KCNH2: variants seen among roughly 807,000 people sequenced by gnomAD.
KCNH2 encodes potassium voltage-gated channel subfamily H member 2, also known as voltage-gated inwardly rectifying potassium channel KCNH2.
KCNH2 carries 35 observed loss-of-function variants against 95.9 expected under a neutral mutation model. That is an observed-to-expected ratio of 0.37 (90% CI 0.28 to 0.48). The LOEUF (loss-of-function observed/expected upper bound fraction) is 0.48, where lower values mean the gene tolerates loss of function less well. Ranked by LOEUF, KCNH2 falls within the 20% of genes least tolerant of loss-of-function variation. KCNH2 has a pLI of 0.99. For missense variants in KCNH2, 1,274 were observed against 1,702.9 expected, an observed-to-expected ratio of 0.75 and a Z score of 4.43; for synonymous variants, 786 against 754.7, an observed-to-expected ratio of 1.04 and a Z score of -0.68.
intron 2 of KCNH2, among the ~76,000 whole-genome samples, chr7:150,969,425 T>C (rs1272430660): frequency 6.6e-6 from 1 of 150,952 alleles, no homozygotes; most frequent in African/African-American, 2.4e-5. Context: ...GCTCTAAGAC[T>C]CTGTCCCCCC....
In KCNH2 at chr7:150,950,435, G is replaced by T; in HGVS notation, c.2146-15C>A. The T allele has an allele frequency of 6.2e-7, 1 of 1,610,286 alleles. No homozygotes were observed. Reference sequence around the variant, plus strand: ...CCCTTCAGCACCTGGGGGCAGGGTGGGGGCAGCTCAGCACACCCTCCCTTG... The same window carrying T: ...CCCTTCAGCACCTGGGGGCAGGGTGTGGGCAGCTCAGCACACCCTCCCTTG... On this transcript the variant is annotated splice_polypyrimidine_tract_variant and intron_variant, in intron 8 of 14. Coordinates refer to ENST00000262186, the MANE Select transcript of KCNH2 (RefSeq NM_000238.4).
rs17173669 is a variant in KCNH2 at position 150,973,226 on chromosome 7, G to A, written c.307+1485C>T. 7.5e-3 allele frequency among the ~76,000 whole-genome samples: 1,138 copies of A among 152,282 alleles called. 8 individuals carry two copies. Among genetic ancestry groups the A allele is most frequent in the African/African-American group, 0.026 (1,071 of 41,550 alleles). ...AAACTTTTACAATAAAATTTCACAT[G>A]AGATAATGTACAGCATACAGATAGA... On this transcript the variant is annotated intron_variant, in intron 2 of 14. Transcript: ENST00000262186.
At position 150,969,484 on chromosome 7, in the gene KCNH2, G is replaced by A. The variant is rs762218662; in HGVS notation, c.307+5227C>T. Among the ~76,000 whole-genome samples the A allele has an allele frequency of 3.3e-5, 5 of 151,772 alleles. 1 individual carries two copies. The highest frequency in any genetic ancestry group is 7.4e-5 in the Non-Finnish European group (5 of 68,008). On this transcript the variant is annotated intron_variant, in intron 2 of 14. Transcript: ENST00000262186. ...CTGAGGGTGAAGCTGGGAGCCCCCAGATGCTCCTGTGCCCCACAATGTCCA... is the reference window on the plus strand; with the variant it reads ...CTGAGGGTGAAGCTGGGAGCCCCCAAATGCTCCTGTGCCCCACAATGTCCA...
intron 7 of KCNH2, 157 bp from the exon 8 acceptor site, chr7:150,951,277 T>A: frequency 3.9e-6 from 4 of 1,026,856 alleles, no homozygotes; most frequent in Non-Finnish European, 5.8e-6. Flanking sequence ...CACCCCACCC[T>A]TCAGTAGTCC....
At chr7:150,955,953 T>G (rs1801362818) in intron 5 of KCNH2, 5 of 550,278 alleles carry the variant, frequency 9.1e-6, no homozygotes, top group Non-Finnish European at 1.1e-5. Context: ...TCCCGCAGCC[T>G]GAGCCCCTCC....
intron 11 of KCNH2, 43 bp from the exon 12 acceptor site, chr7:150,947,921 AGAGAG>A: frequency 6.6e-7 from 1 of 1,521,470 alleles, no homozygotes; most frequent in Non-Finnish European, 8.8e-7. Flanking sequence ...GGAGGAGAAC[AGAGAG>A]GAGGGGGCGA....
chr7:150,977,414 C>G lies in KCNH2; in HGVS notation c.76+424G>C, dbSNP rs368343916. On this transcript the variant is annotated intron_variant, in intron 1 of 14. Coordinates refer to ENST00000262186, the MANE Select transcript of KCNH2 (RefSeq NM_000238.4). ...TTCAGTCCCTCCGGCACAACACAGT[C>G]AAGATCTGGCAAGACCAGTGTGCGC... 2.0e-5 allele frequency among the ~76,000 whole-genome samples: 3 copies of G among 152,200 alleles called. No individual in the cohort carries two copies. In the South Asian group the frequency reaches 6.2e-4, roughly 32 times the overall value.
intron 5 of KCNH2, chr7:150,955,435 C>CA (rs1563165011): frequency 2.6e-6 from 4 of 1,566,484 alleles, no homozygotes; most frequent in Non-Finnish European, 3.5e-6. Context: ...CGGCCCGCCT[C>CA]ACCCGGCCTT....
At chr7:150,949,461 T>C in intron 9 of KCNH2, 2 of 771,102 alleles carry the variant, frequency 2.6e-6, no homozygotes, top group Non-Finnish European at 3.3e-6. Flanking sequence ...TAGTATAGCT[T>C]AGCACAGCAC....
intron 2 of KCNH2, among the ~76,000 whole-genome samples, chr7:150,969,627 A>G (rs574162231): frequency 6.6e-6 from 1 of 152,292 alleles, no homozygotes; most frequent in Admixed American, 6.5e-5. Context: ...TGCCCACCCC[A>G]TTCATTCATT....
At chr7:150,960,121 G>A (rs6947240) in intron 2 of KCNH2, among the ~76,000 whole-genome samples, 25,816 of 150,316 alleles carry the variant, frequency 0.17, 2,748 homozygotes, top group Non-Finnish European at 0.24. Flanking sequence ...CAAGCGAGGC[G>A]CTGTAGCACA....
At position 150,959,693 on chromosome 7, in the gene KCNH2, G is replaced by A. The variant is rs757132095; in HGVS notation, c.351C>T (p.Asn117=). The change falls in exon 3 of 15, where the codon AAC becomes AAT. Residue 117 remains asparagine, a synonymous_variant. Coordinates refer to ENST00000262186, the MANE Select transcript of KCNH2 (RefSeq NM_000238.4). ...TGAACATGATGACAGCCCCATCCTC[G>A]TTCTTCACGGGCACCACATCCACCA... ...LCLVDVVPVK[N]EDGAVIMFIL... is the part of the protein sequence containing the mutation. 54 of 1,613,996 alleles carry A rather than the reference G, an allele frequency of 3.3e-5. No individual in the cohort carries two copies. The highest frequency in any genetic ancestry group is 2.9e-4 in the East Asian group (13 of 44,882).
At chr7:150,959,946 T>A (rs1801509408) in intron 2 of KCNH2, among the ~76,000 whole-genome samples, 1 of 152,206 alleles carries the variant, frequency 6.6e-6, no homozygotes. Context: ...CCCAGCTTGT[T>A]GCTGCCAGGC....
chr7:150,945,622 G>A lies in KCNH2; in HGVS notation c.3331-108C>T, dbSNP rs546728566. The A allele has an allele frequency of 4.2e-6, 5 of 1,194,532 alleles. No individual in the cohort carries two copies. Among genetic ancestry groups the A allele is most frequent in the East Asian group, 5.1e-5 (2 of 39,172 alleles). The allele number at this position is 1,194,532 out of a possible 1,614,324, so 74.0% of individuals were successfully genotyped here. A position where few individuals can be genotyped will look rare whatever the true frequency, so the allele number is the denominator to read the frequency against. ...ACAGAGGATGGACGGGAGGACAGGAGGGCCAAGAGGAGAGTCAGGTGGGCA... is the reference window on the plus strand; with the variant it reads ...ACAGAGGATGGACGGGAGGACAGGAAGGCCAAGAGGAGAGTCAGGTGGGCA... On this transcript the variant is annotated intron_variant, in intron 14 of 14. Coordinates refer to ENST00000262186, the MANE Select transcript of KCNH2 (RefSeq NM_000238.4). This position sits in a 1 kb window ranked among gnomAD's most constrained non-coding sequence, Gnocchi z 5.6.
chr7:150,969,171 G>C lies in KCNH2; in HGVS notation c.307+5540C>G, dbSNP rs58717989. Among the ~76,000 whole-genome samples, 506 of 152,316 alleles carry C rather than the reference G, an allele frequency of 3.3e-3. 3 individuals are homozygous for C. Among genetic ancestry groups the C allele is most frequent in the African/African-American group, 0.012 (484 of 41,576 alleles). ...GCAGGGAGGGGACAGCTAGGCTCGG[G>C]TTCCCACTCAGGCCACCCGCCAGCT... On this transcript the variant is annotated intron_variant, in intron 2 of 14. Coordinates refer to ENST00000262186, the MANE Select transcript of KCNH2 (RefSeq NM_000238.4).
At chr7:150,974,619 A>ACCCCCCCC in intron 2 of KCNH2, 92 bp downstream of exon 2, 2 of 304,866 alleles carry the variant, frequency 6.6e-6, no homozygotes, top group Non-Finnish European at 1.1e-5. Flanking sequence ...CCGCCCCCAC[A>ACCCCCCCC]CCCCCACACC....
chr7:150,951,848 G>A lies in KCNH2; in HGVS notation c.1558-13C>T. On this transcript the variant is annotated splice_polypyrimidine_tract_variant and intron_variant, in intron 6 of 14. Transcript: ENST00000262186. The stretch of plus-strand genomic sequence containing the variant: ...GCAGCCCGATCAGCTGGGGGACAGG[G>A]AAGGGGCACATTCCGTTGATGGGGC... The A allele has an allele frequency of 6.4e-7, 1 of 1,559,358 alleles. No individual in the cohort carries two copies. The highest frequency in any genetic ancestry group is 1.7e-5 in the Admixed American group (1 of 57,284).
rs1203410088 is a variant in KCNH2 at position 150,957,470 on chromosome 7, T to G, written c.949A>C (p.Asn317His). 1.2e-6 allele frequency: 2 copies of G among 1,613,804 alleles called. No individual in the cohort carries two copies. The highest frequency in any genetic ancestry group is 2.7e-5 in the African/African-American group (2 of 74,916). Residue 317 changes from asparagine (N) to histidine (H), a missense_variant, in exon 5 of 15, where the codon AAC becomes CAC. By Grantham distance (68) the Asn-to-His change is moderately conservative. Coordinates refer to ENST00000262186, the MANE Select transcript of KCNH2 (RefSeq NM_000238.4). ...ACGAGGTCGGAGTCCGAGGTGGAGT[T>G]GAGCAAGCCGCTGCGCAGTGGGTGC... Reference protein sequence around the residue: ...AMHPLRSGLLNSTSDSDLVRY... With the variant: ...AMHPLRSGLLHSTSDSDLVRY...
chr7:150,954,129 G>A (rs747614547), intron 5 of KCNH2, among the ~76,000 whole-genome samples: 2 of 152,220 alleles, frequency 1.3e-5, no homozygotes, highest in Admixed American at 6.5e-5. Flanking sequence ...GGGAGCAGCT[G>A]AGGCCTAGGG....
Sources: gnomAD v4.1 joint callset for allele counts (sites outside exome capture counted in the v4.1 genomes callset) on GRCh38, gnomAD v4.1.1 for gene constraint, Gnocchi (gnomAD v3.1) non-coding constraint, MANE v1.5 for transcripts, NCBI Gene and HGNC (gene_info 2026-07-23, HGNC 2026-07-21) for gene names.